Variants in SIPA1L1 observed in about 807,000 individuals in gnomAD.
The protein encoded by SIPA1L1 is signal-induced proliferation-associated 1-like protein 1.
A neutral mutation model predicts 162.7 loss-of-function variants in SIPA1L1; 26 were observed. That is an observed-to-expected ratio of 0.16 (90% CI 0.12 to 0.22). The LOEUF is 0.22. Among genes scored for constraint, SIPA1L1 ranks in the 10% least tolerant of loss-of-function variants. The pLI is 1.00. For synonymous variants in SIPA1L1, 829 were observed against 837.4 expected, an observed-to-expected ratio of 0.99 and a Z score of 0.17; for missense variants, 1,874 against 2,241.0, an observed-to-expected ratio of 0.84 and a Z score of 3.31.
chr14:71,336,024 T>C (rs192963323), intron 2 of SIPA1L1, among the ~76,000 whole-genome samples: 12 of 152,350 alleles, frequency 7.9e-5, no homozygotes, highest in African/African-American at 2.6e-4. Context: ...TGCTTAATTT[T>C]TCCCCCTAGA....
intron 4 of SIPA1L1, among the ~76,000 whole-genome samples, chr14:71,533,479 T>C (rs1405755454): frequency 6.6e-6 from 1 of 152,234 alleles, no homozygotes; most frequent in Non-Finnish European, 1.5e-5. Flanking sequence ...TAATGTGAGT[T>C]GGCTTTTTAA....
At chr14:71,636,130 C>T (rs916878023) in intron 7 of SIPA1L1, among the ~76,000 whole-genome samples, 1 of 152,154 alleles carries the variant, frequency 6.6e-6, no homozygotes, top group African/African-American at 2.4e-5. Flanking sequence ...TAACATCTCT[C>T]CTTCAACAAT....
At chr14:71,616,951 G>A (rs117033564) in intron 5 of SIPA1L1, among the ~76,000 whole-genome samples, 212 of 152,232 alleles carry the variant, frequency 1.4e-3, no homozygotes, top group Non-Finnish European at 2.5e-3. Flanking sequence ...GTACTTGAGG[G>A]GTTCCTAGAA....
At chr14:71,330,049 G>A (rs528663974) in intron 2 of SIPA1L1, among the ~76,000 whole-genome samples, 155 of 152,248 alleles carry the variant, frequency 1.0e-3, no homozygotes, top group Middle Eastern at 3.4e-3. Context: ...ATGACAGGTG[G>A]AAAGGACTAG....
In SIPA1L1 at chr14:71,343,524, C is replaced by T. The variant is rs534685088; in HGVS notation, c.-465+22343C>T. ...ATTATGGAAGCAGTATATAAGACTT[C>T]GTGGAAAATTTGGAAAATACAGGAA... On this transcript the variant is annotated intron_variant, in intron 2 of 23. Transcript: ENST00000381232. Among the ~76,000 whole-genome samples, 13 of 152,142 alleles carry T rather than the reference C, an allele frequency of 8.5e-5. No individual in the cohort carries two copies. In the East Asian group the frequency reaches 9.7e-4, roughly 11 times the overall value.
In SIPA1L1 at chr14:71,446,178, T is replaced by G. The variant is rs184946201; in HGVS notation, c.-464-66565T>G. Reference sequence around the variant, plus strand: ...CTTTTTGTTTATTTTAAAGGAATTGTTTTTTGCCAACTAAGTAAGTAAAAG... The same window carrying G: ...CTTTTTGTTTATTTTAAAGGAATTGGTTTTTGCCAACTAAGTAAGTAAAAG... On this transcript the variant is annotated intron_variant, in intron 2 of 23. Transcript: ENST00000381232. 1.5e-4 allele frequency among the ~76,000 whole-genome samples: 23 copies of G among 152,216 alleles called. No individual in the cohort carries two copies. The East Asian group carries it at 4.0e-3, about 27-fold the overall frequency.
At chr14:71,624,369 T>A in intron 7 of SIPA1L1, 133 bp downstream of exon 7, 1 of 731,590 alleles carries the variant, frequency 1.4e-6, no homozygotes. Flanking sequence ...CTCTTTGCAA[T>A]TACTCATTTT....
At chr14:71,468,890 T>C (rs762373528) in intron 2 of SIPA1L1, among the ~76,000 whole-genome samples, 1 of 152,190 alleles carries the variant, frequency 6.6e-6, no homozygotes, top group Admixed American at 6.5e-5. Flanking sequence ...TTCTTTGTTC[T>C]CTTGTAGGCC....
intron 12 of SIPA1L1, among the ~76,000 whole-genome samples, chr14:71,681,147 A>G (rs1399833614): frequency 6.6e-6 from 1 of 152,224 alleles, no homozygotes; most frequent in Non-Finnish European, 1.5e-5. Flanking sequence ...TGACAGCCTG[A>G]TGGACACAGT....
chr14:71,706,180 G>A (rs1272430422), intron 16 of SIPA1L1, among the ~76,000 whole-genome samples: 3 of 152,002 alleles, frequency 2.0e-5, no homozygotes, highest in Non-Finnish European at 4.4e-5. Flanking sequence ...CATGCCCTAC[G>A]CTTTTCTCTG....
chr14:71,725,691 T>G (rs549504233), intron 19 of SIPA1L1, among the ~76,000 whole-genome samples: 1 of 152,282 alleles, frequency 6.6e-6, no homozygotes, highest in East Asian at 1.9e-4. Flanking sequence ...AATGGGTGTT[T>G]ATTGAGCTGG....
Position 71,717,117 on chromosome 14 carries a change from C to G in SIPA1L1, c.4209-6530C>G, listed in dbSNP as rs548818258. On this transcript the variant is annotated intron_variant, in intron 17 of 23. Coordinates refer to ENST00000381232, the MANE Select transcript of SIPA1L1 (RefSeq NM_001386936.1). ...GTTTTACCTTGTTGGCCAGGATGGT[C>G]TCAATTTCCTGACCTCATGATCCAC... Among the ~76,000 whole-genome samples the G allele has an allele frequency of 1.2e-4, 18 of 152,258 alleles. No homozygotes were observed. The South Asian group carries it at 3.7e-3, about 32-fold the overall frequency.
chr14:71,605,093 TTGAC>T (rs771905202), intron 5 of SIPA1L1, among the ~76,000 whole-genome samples: 16 of 152,106 alleles, frequency 1.1e-4, no homozygotes, highest in Non-Finnish European at 2.1e-4. Context: ...TTTGCAATTT[TTGAC>T]TGACTATGTT....
intron 2 of SIPA1L1, among the ~76,000 whole-genome samples, chr14:71,424,250 A>G (rs1199894680): frequency 6.6e-6 from 1 of 152,042 alleles, no homozygotes; most frequent in African/African-American, 2.4e-5. Flanking sequence ...TTTTCCAGTT[A>G]GAATGCCTTT....
chr14:71,557,475 G>T (rs188051620), intron 4 of SIPA1L1, among the ~76,000 whole-genome samples: 20 of 152,284 alleles, frequency 1.3e-4, no homozygotes, highest in Middle Eastern at 3.4e-3. Context: ...GTTACTACAG[G>T]TTGTATTTTT....
chr14:71,344,089 A>G (rs926004955), intron 2 of SIPA1L1, among the ~76,000 whole-genome samples: 15 of 152,198 alleles, frequency 9.9e-5, no homozygotes, highest in African/African-American at 3.6e-4. Context: ...AGGTACTAGC[A>G]CTTTTTTTGA....
At chr14:71,582,993 T>C (rs1335976484) in intron 4 of SIPA1L1, among the ~76,000 whole-genome samples, 2 of 152,212 alleles carry the variant, frequency 1.3e-5, no homozygotes, top group Non-Finnish European at 2.9e-5. Context: ...CAAGAAGGGA[T>C]GTAAAGAAAA....
At chr14:71,679,243 A>T (rs1487734013) in intron 12 of SIPA1L1, among the ~76,000 whole-genome samples, 4 of 152,244 alleles carry the variant, frequency 2.6e-5, no homozygotes, top group African/African-American at 9.6e-5. Context: ...CTCTCTGCAG[A>T]AACTCTACAA....
At chr14:71,440,001 A>C (rs1234170596) in intron 2 of SIPA1L1, among the ~76,000 whole-genome samples, 1 of 152,206 alleles carries the variant, frequency 6.6e-6, no homozygotes, top group African/African-American at 2.4e-5. Flanking sequence ...AGTCATATAC[A>C]GGCCTTGCCC....
Sources: allele counts gnomAD v4.1 joint callset (sites outside exome capture counted in the v4.1 genomes callset), GRCh38; gene constraint gnomAD v4.1.1; transcripts MANE v1.5; gene names NCBI Gene and HGNC (gene_info 2026-07-23, HGNC 2026-07-21).